Variants in BRI3 observed in about 807,000 individuals in gnomAD.
BRI3 encodes the protein brain protein I3, also known as membrane protein BRI3.
A neutral mutation model predicts 12.8 loss-of-function variants in BRI3; 6 were observed. The ratio of observed to expected loss-of-function variants is 0.47; its 90% confidence interval spans 0.26 to 0.93. The LOEUF (loss-of-function observed/expected upper bound fraction) is 0.93, where lower values mean the gene tolerates loss of function less well. Ranked by LOEUF, BRI3 falls within the 40% of genes least tolerant of loss-of-function variation. BRI3 has a pLI of 0.15. For missense variants in BRI3, 134 were observed against 171.1 expected (o/e 0.78, Z 1.21); for synonymous variants, 91 against 76.1 (o/e 1.20, Z -1.02).
chr7:98,307,262 C>G (rs541740691), intron 1 of BRI3: 23 of 397,078 alleles, frequency 5.8e-5, no homozygotes, highest in African/African-American at 4.3e-4. Flanking sequence ...CCTGCCACCA[C>G]GCCTGGCTAA....
chr7:98,312,368 C>G (rs1284184354), downstream of BRI3: 1 of 1,302,292 alleles, frequency 7.7e-7, no homozygotes, highest in Non-Finnish European at 1.0e-6. Flanking sequence ...TGGCTTAGCA[C>G]CAGGAGTGTG....
downstream of BRI3, chr7:98,293,383 T>C: frequency 1.3e-6 from 1 of 761,698 alleles, no homozygotes; most frequent in Non-Finnish European, 2.2e-6. Flanking sequence ...CAGAGAAGCA[T>C]GATTTGCTTA....
intron 2 of BRI3, among the ~76,000 whole-genome samples, chr7:98,284,373 G>C (rs957018714): frequency 6.6e-6 from 1 of 152,192 alleles, no homozygotes; most frequent in South Asian, 2.1e-4. Flanking sequence ...AGCTGCATTG[G>C]GCATGGGATG....
chr7:98,285,880 C>A (rs931327668), intron 2 of BRI3, among the ~76,000 whole-genome samples: 2 of 152,202 alleles, frequency 1.3e-5, no homozygotes, highest in African/African-American at 4.8e-5. Flanking sequence ...CTGAGCATGG[C>A]TTCAGGCCCT....
chr7:98,316,838 TC>T, the BRI3 span, among the ~76,000 whole-genome samples: 1 of 151,292 alleles, frequency 6.6e-6, no homozygotes, highest in Non-Finnish European at 1.5e-5. Flanking sequence ...ATCATTCTAC[TC>T]CCCACTTCCA....
intron 1 of BRI3, among the ~76,000 whole-genome samples, chr7:98,300,890 G>A (rs368749341): frequency 2.5e-4 from 38 of 152,232 alleles, no homozygotes; most frequent in East Asian, 2.3e-3. Context: ...GCCGAAGCTC[G>A]TGCCTCAGAG....
chr7:98,314,870 G>A (rs1388979263), downstream of BRI3, among the ~76,000 whole-genome samples: 2 of 152,178 alleles, frequency 1.3e-5, no homozygotes, highest in East Asian at 3.8e-4. Context: ...CTGACTCGCA[G>A]GTGAGAAGAG....
downstream of BRI3, chr7:98,293,111 G>T: frequency 2.4e-6 from 1 of 414,928 alleles, no homozygotes; most frequent in Non-Finnish European, 3.4e-6. Context: ...TAGACATAAT[G>T]CTATTAAGAG....
downstream of BRI3, chr7:98,310,494 ATT>A: frequency 6.2e-7 from 1 of 1,607,778 alleles, no homozygotes; most frequent in Non-Finnish European, 8.5e-7. Context: ...TGGCTGGGTT[ATT>A]AAACATATCG....
chr7:98,304,221 G>T (rs747137198), upstream of BRI3: 4 of 1,608,528 alleles, frequency 2.5e-6, no homozygotes, highest in Non-Finnish European at 2.5e-6. Flanking sequence ...GGGCTTGGAC[G>T]CTGGGGCCTT....
exon 2 of BRI3, chr7:98,309,197 C>A (rs1214807653): frequency 6.6e-6 from 1 of 152,280 alleles, no homozygotes; most frequent in Non-Finnish European, 1.5e-5. Context: ...GTCGCCCAGG[C>A]TGGAGTGCAG....
chr7:98,321,829 G>C, the BRI3 span, among the ~76,000 whole-genome samples: 1 of 152,182 alleles, frequency 6.6e-6, no homozygotes, highest in Non-Finnish European at 1.5e-5. Flanking sequence ...GGGTGTGGTG[G>C]CTCACGCCTG....
chr7:98,286,296 G>A (rs865944643), intron 2 of BRI3, among the ~76,000 whole-genome samples: 6 of 152,222 alleles, frequency 3.9e-5, no homozygotes, highest in Admixed American at 6.5e-5. Context: ...GGAGCCCCGC[G>A]GCCTCTACTG....
At chr7:98,317,716 A>T in the BRI3 span, among the ~76,000 whole-genome samples, 3 of 150,744 alleles carry the variant, frequency 2.0e-5, no homozygotes, top group Non-Finnish European at 4.4e-5. Flanking sequence ...ATCACCCCGC[A>T]GTTCACACCA....
chr7:98,297,746 T>C (rs911299769), downstream of BRI3, among the ~76,000 whole-genome samples: 27 of 152,184 alleles, frequency 1.8e-4, no homozygotes, highest in African/African-American at 6.0e-4. Context: ...GCACCCATGT[T>C]GTGACGCAAA....
At chr7:98,311,670 G>C (rs572245721), downstream of BRI3, among the ~76,000 whole-genome samples, 3 of 152,188 alleles carry the variant, frequency 2.0e-5, no homozygotes, top group Admixed American at 2.0e-4. Context: ...CACTTTGGGA[G>C]GCCGAGGCAG....
At chr7:98,299,924 C>G (rs538186260) in intron 1 of BRI3, among the ~76,000 whole-genome samples, 2 of 152,140 alleles carry the variant, frequency 1.3e-5, no homozygotes, top group Non-Finnish European at 2.9e-5. Flanking sequence ...ACCTGTAGTC[C>G]CAGCTACTTA....
intron 1 of BRI3, among the ~76,000 whole-genome samples, chr7:98,301,214 C>G (rs1207992869): frequency 3.9e-5 from 6 of 152,178 alleles, no homozygotes; most frequent in Admixed American, 3.3e-4. Flanking sequence ...CAGCTGCCAT[C>G]AGTGATAAAC....
chr7:98,285,142 C>A (rs1490132971), intron 2 of BRI3, among the ~76,000 whole-genome samples: 2 of 152,140 alleles, frequency 1.3e-5, no homozygotes, highest in African/African-American at 4.8e-5. Context: ...GAGAGGAAAT[C>A]CTGGAAAGGA....
Sources: gnomAD v4.1 joint callset for allele counts (sites outside exome capture counted in the v4.1 genomes callset) on GRCh38, gnomAD v4.1.1 for gene constraint, MANE v1.5 for transcripts, NCBI Gene and HGNC (gene_info 2026-07-23, HGNC 2026-07-21) for gene names.